PIAS4: variants seen among roughly 807,000 people sequenced by gnomAD.
The protein encoded by PIAS4 is E3 SUMO-protein ligase PIAS4.
In PIAS4, 7 loss-of-function variants were observed where a neutral mutation model predicts 58.0. The ratio of observed to expected loss-of-function variants is 0.12; its 90% confidence interval spans 0.07 to 0.23. The LOEUF is 0.23. Among genes scored for constraint, PIAS4 ranks in the 10% least tolerant of loss-of-function variants. The pLI is 1.00. For missense variants in PIAS4, 550 were observed against 709.5 expected (o/e 0.78, Z 2.55); for synonymous variants, 364 against 312.4 (o/e 1.17, Z -1.74).
intron 9 of PIAS4, 121 bp downstream of exon 9, chr19:4,033,701 C>A: frequency 1.2e-6 from 1 of 835,940 alleles, no homozygotes. Flanking sequence ...GGCACATGGT[C>A]CTGGAGCTTT....
chr19:4,012,672 G>A (rs191702541), intron 1 of PIAS4, among the ~76,000 whole-genome samples: 5 of 152,130 alleles, frequency 3.3e-5, no homozygotes, highest in African/African-American at 7.2e-5. Context: ...AAAATAGAAG[G>A]GGGGGCCTAG....
intron 2 of PIAS4, among the ~76,000 whole-genome samples, chr19:4,019,565 C>T (rs1318621818): frequency 2.6e-5 from 4 of 152,210 alleles, no homozygotes. Context: ...CCTGGAAGCT[C>T]AAGGCCCAGC....
intron 2 of PIAS4, among the ~76,000 whole-genome samples, chr19:4,015,720 C>A (rs1045786481): frequency 2.0e-5 from 3 of 152,166 alleles, no homozygotes; most frequent in African/African-American, 7.2e-5. Flanking sequence ...GGGCCGCCTC[C>A]GGAGGACCCA....
intron 7 of PIAS4, among the ~76,000 whole-genome samples, chr19:4,029,472 G>A (rs2040201604): frequency 1.3e-5 from 2 of 152,208 alleles, no homozygotes; most frequent in Admixed American, 6.5e-5. Context: ...GGTCGTGGAG[G>A]CAGTTGCTGT....
chr19:4,033,236 C>T, intron 8 of PIAS4, 63 bp downstream of exon 8: 1 of 1,522,126 alleles, frequency 6.6e-7, no homozygotes, highest in Non-Finnish European at 9.0e-7. Context: ...CCCCTGGCGG[C>T]CCTGGGCCCG....
chr19:4,032,491 G>C (rs998557015), intron 7 of PIAS4, among the ~76,000 whole-genome samples: 10 of 152,226 alleles, frequency 6.6e-5, no homozygotes, highest in Non-Finnish European at 1.5e-4. Context: ...TGGGCCTGCT[G>C]CCCGTCGAGG....
intron 2 of PIAS4, among the ~76,000 whole-genome samples, chr19:4,022,408 G>A (rs576425946): frequency 6.6e-6 from 1 of 151,996 alleles, no homozygotes; most frequent in South Asian, 2.1e-4. Flanking sequence ...GGAGTGCAGT[G>A]GCACGATCTT....
chr19:4,022,384 C>G (rs556282864), intron 2 of PIAS4, among the ~76,000 whole-genome samples: 2 of 151,932 alleles, frequency 1.3e-5, no homozygotes, highest in African/African-American at 4.8e-5. Context: ...GAGTCTCGCT[C>G]TGTAGCCCAG....
Position 4,033,153 on chromosome 19 carries a change from C to T in PIAS4, c.961C>T (p.Arg321Trp). Residue 321 changes from arginine to tryptophan, a missense_variant, in exon 8 of 11, where the codon CGG (arginine) becomes TGG (tryptophan). This residue lies in a region of PIAS4 where 225 missense variants were observed against 345.8 expected (regional missense o/e 0.65). Coordinates refer to ENST00000262971, the MANE Select transcript of PIAS4 (RefSeq NM_015897.4). ...PDSEIATTGV[R>W]VSLICPLVKM... is the part of the protein sequence containing the mutation. Reference sequence around the variant, plus strand: ...CAGCGAGATCGCCACCACCGGTGTGCGGGTGTCCCTCATCTGTCCGGTGAG... The same window carrying T: ...CAGCGAGATCGCCACCACCGGTGTGTGGGTGTCCCTCATCTGTCCGGTGAG... The T allele has an allele frequency of 1.9e-6, 3 of 1,610,572 alleles. No homozygotes were observed. The highest frequency in any genetic ancestry group is 2.5e-6 in the Non-Finnish European group (3 of 1,179,636).
chr19:4,028,060 G>C (rs556711233), intron 3 of PIAS4, 86 bp from the exon 4 acceptor site: 1 of 1,253,822 alleles, frequency 8.0e-7, no homozygotes, highest in African/African-American at 1.5e-5. Context: ...GTGGTGTGGC[G>C]GTCTCCACCT....
At position 4,020,888 on chromosome 19, in the gene PIAS4, G is replaced by A. The variant is rs561226667; in HGVS notation, c.455-3148G>A. Among the ~76,000 whole-genome samples, 8 of 152,222 alleles carry A rather than the reference G, an allele frequency of 5.3e-5. No homozygotes were observed. The East Asian group carries it at 1.2e-3, about 22-fold the overall frequency. ...AGGGTTGGGGTTACAGGCATGAGCC[G>A]CTGTGCCCAGCCTGCAAGTTTCTTT... On this transcript the variant is annotated intron_variant, in intron 2 of 10. Coordinates refer to ENST00000262971, the MANE Select transcript of PIAS4 (RefSeq NM_015897.4).
chr19:4,027,822 T>C (rs1374414474), intron 3 of PIAS4, among the ~76,000 whole-genome samples: 1 of 152,126 alleles, frequency 6.6e-6, no homozygotes, highest in Admixed American at 6.5e-5. Context: ...ACTGGGTGTT[T>C]TCTTGCCATT....
chr19:4,037,860 G>C lies in PIAS4; in HGVS notation c.1518G>C (p.Leu506=). ...PKRRCPFQKG[L]VPAC ...GCCGCTGCCCCTTCCAGAAGGGCCT[G>C]GTGCCGGCCTGCTGACCCCGGCCGC... Residue 506 remains leucine, a synonymous_variant, in exon 11 of 11, where the codon CTG becomes CTC. Transcript: ENST00000262971. This position sits in a 1 kb window ranked among gnomAD's most constrained non-coding sequence, Gnocchi z 5.8. 6.4e-7 allele frequency: 1 copy of C among 1,566,350 alleles called. No homozygotes were observed. Among genetic ancestry groups the C allele is most frequent in the East Asian group, 2.3e-5 (1 of 42,778 alleles).
intron 9 of PIAS4, among the ~76,000 whole-genome samples, chr19:4,036,543 C>T (rs934322536): frequency 1.4e-5 from 2 of 143,162 alleles, no homozygotes; most frequent in African/African-American, 2.8e-5. Context: ...GTTACATGCA[C>T]ACATCTATAC....
intron 2 of PIAS4, among the ~76,000 whole-genome samples, chr19:4,021,609 A>T (rs1022127366): frequency 1.3e-5 from 2 of 152,114 alleles, no homozygotes; most frequent in African/African-American, 4.8e-5. Context: ...TTGGTATCAG[A>T]GTTATGCTGG....
intron 2 of PIAS4, among the ~76,000 whole-genome samples, chr19:4,015,409 CCT>C (rs2040042348): frequency 1.3e-5 from 2 of 152,054 alleles, no homozygotes; most frequent in African/African-American, 2.4e-5. Context: ...AGCCTGCTCC[CCT>C]GTCTACACCA....
chr19:4,036,068 C>T (rs1446216782), intron 9 of PIAS4, among the ~76,000 whole-genome samples: 2 of 141,516 alleles, frequency 1.4e-5, no homozygotes, highest in Non-Finnish European at 3.2e-5. Context: ...ACAGTCCACA[C>T]TGTCACACAT....
At chr19:4,008,100 C>G (rs990234588) in intron 1 of PIAS4, among the ~76,000 whole-genome samples, 47 of 152,000 alleles carry the variant, frequency 3.1e-4, no homozygotes, top group Non-Finnish European at 6.5e-4. Context: ...CCGCGCCTCC[C>G]GGTTGAGGCA....
rs116076186 is a variant in PIAS4 at position 4,038,877 on chromosome 19, A to C, written c.*1002A>C. ...CCGACGGGTACGAGGCTGGCCCGGC[A>C]CCCTGTCCCCCGGGAGCCTCACTCT... On this transcript the variant is annotated 3_prime_UTR_variant, in exon 11 of 11. Coordinates refer to ENST00000262971, the MANE Select transcript of PIAS4 (RefSeq NM_015897.4). This position sits in a 1 kb window ranked among gnomAD's most constrained non-coding sequence, Gnocchi z 4.1. 3,163 of 152,474 alleles carry C rather than the reference A, an allele frequency of 0.021. 96 individuals are homozygous for C. The highest frequency in any genetic ancestry group is 0.068 in the African/African-American group (2,838 of 41,484). 9.4% of individuals were successfully genotyped at this position (152,474 alleles called of 1,614,324 possible).
Sources: allele counts gnomAD v4.1 joint callset (sites outside exome capture counted in the v4.1 genomes callset), GRCh38; gene constraint gnomAD v4.1.1; regional missense constraint gnomAD v4.1.1; non-coding constraint Gnocchi (gnomAD v3.1); transcripts MANE v1.5; gene names NCBI Gene and HGNC (gene_info 2026-07-23, HGNC 2026-07-21).